KCNK10: variants seen among roughly 807,000 people sequenced by gnomAD.
KCNK10 encodes the protein potassium two pore domain channel subfamily K member 10.
In KCNK10, 25 loss-of-function variants were observed where a neutral mutation model predicts 47.7. That is an observed-to-expected ratio of 0.52 (90% CI 0.38 to 0.73). The LOEUF (loss-of-function observed/expected upper bound fraction) is 0.73, where lower values mean the gene tolerates loss of function less well. KCNK10 is among the 30% of genes least tolerant of loss of function. The probability of loss-of-function intolerance (pLI) is 0.00; values close to 1 mark genes in which losing one functional copy is unlikely to be tolerated. For synonymous variants in KCNK10, 303 were observed against 285.6 expected, an observed-to-expected ratio of 1.06 and a Z score of -0.61; for missense variants, 563 against 714.5, an observed-to-expected ratio of 0.79 and a Z score of 2.42.
At chr14:88,197,317 T>C (rs1012413816) in intron 4 of KCNK10, among the ~76,000 whole-genome samples, 1 of 152,008 alleles carries the variant, frequency 6.6e-6, no homozygotes, top group Non-Finnish European at 1.5e-5. Flanking sequence ...AGGCCAGGCA[T>C]GCTGGCTCAC....
intron 2 of KCNK10, among the ~76,000 whole-genome samples, chr14:88,243,118 T>C (rs1037206149): frequency 6.6e-6 from 1 of 152,244 alleles, no homozygotes; most frequent in Non-Finnish European, 1.5e-5. Flanking sequence ...TCTTGAATTA[T>C]GCAATTCATA....
chr14:88,207,851 T>TG (rs113096237), intron 4 of KCNK10, among the ~76,000 whole-genome samples: 76 of 151,832 alleles, frequency 5.0e-4, no homozygotes, highest in East Asian at 3.1e-3. Context: ...AGATGTTATT[T>TG]GGGGGGGGTG....
At chr14:88,226,298 G>A (rs1940545) in intron 4 of KCNK10, among the ~76,000 whole-genome samples, 44,228 of 151,906 alleles carry the variant, frequency 0.29, 7,077 homozygotes, top group East Asian at 0.47. Context: ...AAAAGCCTCT[G>A]AAACTGCTCA....
intron 4 of KCNK10, among the ~76,000 whole-genome samples, chr14:88,212,854 C>A (rs1165125864): frequency 6.6e-6 from 1 of 152,192 alleles, no homozygotes; most frequent in Non-Finnish European, 1.5e-5. Context: ...TGCACATTTC[C>A]TGGGCTGGAT....
rs1175954178 is a variant in KCNK10 at position 88,248,821 on chromosome 14, G to A, written c.403-8001C>T. 2.6e-5 allele frequency among the ~76,000 whole-genome samples: 4 copies of A among 152,082 alleles called. No individual in the cohort carries two copies. The South Asian group carries it at 8.3e-4, about 32-fold the overall frequency. On this transcript the variant is annotated intron_variant, in intron 2 of 6. Transcript: ENST00000319231. ...TCTCCCTGAGCATAGTTTGATAAGG[G>A]GAGAAACAAGGAAGTGCAGACAATG...
intron 1 of KCNK10, among the ~76,000 whole-genome samples, chr14:88,314,643 G>A (rs190158467): frequency 6.6e-6 from 1 of 152,294 alleles, no homozygotes; most frequent in East Asian, 1.9e-4. Context: ...GGAGGGTTGT[G>A]CTCTGCTATG....
At position 88,263,415 on chromosome 14, in the gene KCNK10, G is replaced by A. The variant is rs1303824558; in HGVS notation, c.189C>T (p.Thr63=). 2 of 1,614,032 alleles carry A rather than the reference G, an allele frequency of 1.2e-6. No individual in the cohort carries two copies. Among genetic ancestry groups the A allele is most frequent in the Non-Finnish European group, 1.7e-6 (2 of 1,180,054 alleles). ...TGACGGTCTGCAAGCCCCCTTGGGA[G>A]GTGCCTTCCATCCTGGCTACCACTG... ...RATVVARMEG[T]SQGGLQTVMK... The change falls in exon 2 of 7, where the codon ACC becomes ACT. Residue 63 remains threonine (T), a synonymous_variant. Transcript: ENST00000319231.
At chr14:88,237,112 A>C (rs1408512374) in intron 3 of KCNK10, among the ~76,000 whole-genome samples, 1 of 152,224 alleles carries the variant, frequency 6.6e-6, no homozygotes, top group Non-Finnish European at 1.5e-5. Context: ...AAGTTGATAT[A>C]ATATTCTGAA....
At chr14:88,314,877 C>T (rs1266586438) in intron 1 of KCNK10, among the ~76,000 whole-genome samples, 3 of 152,196 alleles carry the variant, frequency 2.0e-5, no homozygotes, top group Non-Finnish European at 4.4e-5. Flanking sequence ...GTAATTATCC[C>T]TATCTTGCAG....
intron 4 of KCNK10, among the ~76,000 whole-genome samples, chr14:88,193,649 G>A (rs534223190): frequency 2.6e-5 from 4 of 152,212 alleles, no homozygotes; most frequent in East Asian, 1.9e-4. Flanking sequence ...CCTCTTCATC[G>A]CACCAAGCAC....
chr14:88,267,008 G>A (rs1887276770), intron 1 of KCNK10, among the ~76,000 whole-genome samples: 1 of 152,196 alleles, frequency 6.6e-6, no homozygotes, highest in Admixed American at 6.5e-5. Flanking sequence ...ACCCATGCCT[G>A]AGCTTCCAAA....
intron 1 of KCNK10, among the ~76,000 whole-genome samples, chr14:88,280,043 G>A (rs1033196020): frequency 3.9e-5 from 6 of 152,016 alleles, no homozygotes; most frequent in Admixed American, 6.6e-5. Flanking sequence ...TCTCCTTCCC[G>A]GTCTTGGTTA....
In KCNK10 at chr14:88,224,795, T is replaced by A. The variant is rs185942780; in HGVS notation, c.681+2580A>T. 2.1e-3 allele frequency among the ~76,000 whole-genome samples: 320 copies of A among 152,260 alleles called. 2 individuals carry two copies. Among genetic ancestry groups the A allele is most frequent in the Non-Finnish European group, 2.8e-3 (188 of 68,016 alleles). ...CTGCAAATTTTTGTATTTTTAGTAC[T>A]GACAGGGTTTCACCATCTTGGCCAG... On this transcript the variant is annotated intron_variant, in intron 4 of 6. Coordinates refer to ENST00000319231, the MANE Select transcript of KCNK10 (RefSeq NM_138317.3).
At chr14:88,226,934 A>G (rs534268311) in intron 4 of KCNK10, among the ~76,000 whole-genome samples, 1 of 152,316 alleles carries the variant, frequency 6.6e-6, no homozygotes, top group South Asian at 2.1e-4. Context: ...GTGTCTGGAG[A>G]AGTCAGGCTT....
At chr14:88,205,542 C>CTTTTTTTTTTTTTTTTTTTTTTTTTTTT (rs200265659) in intron 4 of KCNK10, among the ~76,000 whole-genome samples, 1 of 115,780 alleles carries the variant, frequency 8.6e-6, no homozygotes, top group Non-Finnish European at 1.7e-5. Flanking sequence ...CTTTTCTTTT[C>CTTTTTTTTTTTTTTTTTTTTTTTTTTTT]TTTTTTTTTT....
chr14:88,271,470 A>G (rs1448743534), intron 1 of KCNK10, among the ~76,000 whole-genome samples: 2 of 152,190 alleles, frequency 1.3e-5, no homozygotes, highest in Admixed American at 6.5e-5. Context: ...AGAGTTCTTC[A>G]TGGTTTGTAC....
rs1167113869 is a variant in KCNK10, at chr14:88,180,443, C to T, written c.*5092G>A. The T allele has an allele frequency of 5.2e-6, 1 of 193,890 alleles. No individual in the cohort carries two copies. Among genetic ancestry groups the T allele is most frequent in the Non-Finnish European group, 1.0e-5 (1 of 95,994 alleles). 12.0% of individuals were successfully genotyped at this position (193,890 alleles called of 1,614,324 possible). ...ATGTGAGGTGGTTTGCATATCACTTCTAGGCACCACTGCACCTTCTCCCTT... is the reference window on the plus strand; with the variant it reads ...ATGTGAGGTGGTTTGCATATCACTTTTAGGCACCACTGCACCTTCTCCCTT... On this transcript the variant is annotated 3_prime_UTR_variant, in exon 7 of 7. Coordinates refer to ENST00000319231, the MANE Select transcript of KCNK10 (RefSeq NM_138317.3).
At chr14:88,279,557 G>A (rs868213831) in intron 1 of KCNK10, among the ~76,000 whole-genome samples, 65 of 152,006 alleles carry the variant, frequency 4.3e-4, no homozygotes, top group African/African-American at 1.2e-3. Flanking sequence ...TTTTTAAAGG[G>A]TAAGTATATC....
intron 1 of KCNK10, chr14:88,270,644 A>C: frequency 2.6e-6 from 2 of 773,418 alleles, no homozygotes; most frequent in Non-Finnish European, 2.4e-6. Context: ...AAAACAAGGC[A>C]GACTGGGGGG....
Sources: allele counts gnomAD v4.1 joint callset (sites outside exome capture counted in the v4.1 genomes callset), GRCh38; gene constraint gnomAD v4.1.1; transcripts MANE v1.5; gene names NCBI Gene and HGNC (gene_info 2026-07-23, HGNC 2026-07-21).